The following TOX variants were observed in gnomAD, a reference collection of about 807,000 sequenced individuals.
TOX encodes thymocyte selection-associated high mobility group box protein TOX.
Under a neutral mutation model 53.7 loss-of-function variants are expected in TOX, and 11 were observed. The observed-to-expected ratio is 0.20, with a 90% CI of 0.13 to 0.34. The LOEUF (loss-of-function observed/expected upper bound fraction) is 0.34, where lower values mean the gene tolerates loss of function less well. Ranked by LOEUF, TOX falls within the 10% of genes least tolerant of loss-of-function variation. The pLI is 1.00. For synonymous variants in TOX, 225 were observed against 245.3 expected (o/e 0.92, Z 0.77); for missense variants, 570 against 664.6 (o/e 0.86, Z 1.56).
chr8:58,973,583 A>C (rs1813039449), intron 1 of TOX, among the ~76,000 whole-genome samples: 2 of 152,222 alleles, frequency 1.3e-5, no homozygotes, highest in Admixed American at 6.5e-5. Flanking sequence ...GGCTGACTTT[A>C]TGAAGGGTTT....
intron 3 of TOX, among the ~76,000 whole-genome samples, chr8:58,881,360 T>C (rs1811379596): frequency 6.6e-6 from 1 of 151,598 alleles, no homozygotes; most frequent in Non-Finnish European, 1.5e-5. Context: ...TTTCTCATTT[T>C]TGTGAGGAGC....
chr8:58,910,110 A>G (rs867068740), intron 3 of TOX, among the ~76,000 whole-genome samples: 1 of 152,224 alleles, frequency 6.6e-6, no homozygotes, highest in African/African-American at 2.4e-5. Flanking sequence ...TGTGCCATGC[A>G]TTGGTACAGT....
At position 59,041,023 on chromosome 8, in the gene TOX, G is replaced by A. The variant is rs1006814928; in HGVS notation, c.102+77863C>T. ...CAATCCTGTGCTCCCATCACTCACT[G>A]GCAGGGAGACCTTTGACCATCAGCA... On this transcript the variant is annotated intron_variant, in intron 1 of 8. Transcript: ENST00000361421. 3.3e-5 allele frequency among the ~76,000 whole-genome samples: 5 copies of A among 151,910 alleles called. No individual in the cohort carries two copies. The East Asian group carries it at 9.6e-4, about 29-fold the overall frequency.
chr8:59,082,597 G>T (rs1804429526), intron 1 of TOX, among the ~76,000 whole-genome samples: 2 of 152,112 alleles, frequency 1.3e-5, no homozygotes, highest in Admixed American at 1.3e-4. Flanking sequence ...GGTTGATGAG[G>T]GGGTAGGAAA....
intron 1 of TOX, among the ~76,000 whole-genome samples, chr8:59,012,919 G>GT (rs1001694404): frequency 1.4e-5 from 2 of 144,620 alleles, no homozygotes; most frequent in Admixed American, 1.4e-4. Flanking sequence ...GTTCCCATAG[G>GT]TTAAAAAAAA....
At chr8:58,903,022 G>C (rs989860241) in intron 3 of TOX, among the ~76,000 whole-genome samples, 2 of 152,094 alleles carry the variant, frequency 1.3e-5, no homozygotes, top group Non-Finnish European at 2.9e-5. Context: ...GAGAATAGTT[G>C]TCCTAAATAA....
rs372251429 is a variant in TOX, at chr8:58,808,267, T to C, written c.1395A>G (p.Gly465=). The C allele has an allele frequency of 2.8e-5, 45 of 1,605,182 alleles. No homozygotes were observed. Among genetic ancestry groups the C allele is most frequent in the Non-Finnish European group, 3.7e-5 (43 of 1,177,268 alleles). Residue 465 remains glycine (G), a splice_region_variant and synonymous_variant, in exon 8 of 9, where the codon GGA becomes GGG. Coordinates refer to ENST00000361421, the MANE Select transcript of TOX (RefSeq NM_014729.3). ...SALHSPTMQQ[G]FTLQPDYQTI... ...TCTGATAGTCGGGTTGAAGAGTAAA[T>C]CCCTGAAAGGGAAAGCAAGTCCGCA...
At chr8:58,818,219 C>T (rs887269144) in intron 6 of TOX, among the ~76,000 whole-genome samples, 1 of 152,084 alleles carries the variant, frequency 6.6e-6, no homozygotes, top group African/African-American at 2.4e-5. Context: ...AAGACCAGTC[C>T]CCCTCAACCT....
chr8:59,081,078 G>A (rs1804397692), intron 1 of TOX, among the ~76,000 whole-genome samples: 1 of 152,314 alleles, frequency 6.6e-6, no homozygotes, highest in South Asian at 2.1e-4. Context: ...CCAGGCTGGA[G>A]TGCAGTGGTG....
chr8:59,099,079 G>C (rs896540219), intron 1 of TOX, among the ~76,000 whole-genome samples: 2 of 152,118 alleles, frequency 1.3e-5, no homozygotes, highest in Non-Finnish European at 2.9e-5. Flanking sequence ...AAAGACAACA[G>C]CATTAGATTT....
intron 3 of TOX, among the ~76,000 whole-genome samples, chr8:58,937,505 T>C (rs1812364377): frequency 6.6e-6 from 1 of 152,216 alleles, no homozygotes; most frequent in African/African-American, 2.4e-5. Flanking sequence ...GAGGATGGCA[T>C]GACTGCCATG....
chr8:58,965,432 G>A (rs1000372713), intron 1 of TOX, among the ~76,000 whole-genome samples: 2 of 152,104 alleles, frequency 1.3e-5, no homozygotes, highest in African/African-American at 4.8e-5. Flanking sequence ...AAAATTGAAA[G>A]GAGAAATCTA....
At chr8:58,848,122 A>G (rs1810748304) in intron 4 of TOX, among the ~76,000 whole-genome samples, 1 of 152,126 alleles carries the variant, frequency 6.6e-6, no homozygotes, top group South Asian at 2.1e-4. Context: ...AGCTCCCAAT[A>G]TAAATTGAAC....
At chr8:58,874,642 G>T (rs1251071614) in intron 3 of TOX, among the ~76,000 whole-genome samples, 15 of 152,156 alleles carry the variant, frequency 9.9e-5, no homozygotes, top group Admixed American at 9.8e-4. Flanking sequence ...TTAAAACACA[G>T]ATATGAGGTC....
At chr8:59,055,462 G>T (rs968013921) in intron 1 of TOX, among the ~76,000 whole-genome samples, 37 of 152,154 alleles carry the variant, frequency 2.4e-4, no homozygotes, top group African/African-American at 8.7e-4. Context: ...AACAAGAAAG[G>T]CTGCAGCCAG....
chr8:58,890,103 C>A (rs10092649), intron 3 of TOX, among the ~76,000 whole-genome samples: 53,533 of 151,986 alleles, frequency 0.35, 10,112 homozygotes, highest in Middle Eastern at 0.43. Flanking sequence ...GTCCATAATT[C>A]TGATCATCAT....
chr8:58,994,070 A>G (rs1813508543), intron 1 of TOX, among the ~76,000 whole-genome samples: 1 of 152,206 alleles, frequency 6.6e-6, no homozygotes, highest in African/African-American at 2.4e-5. Context: ...CCAGGTCTAA[A>G]ACAGCCAGAA....
chr8:58,869,125 A>G (rs1438744516), intron 3 of TOX, among the ~76,000 whole-genome samples: 1 of 151,464 alleles, frequency 6.6e-6, no homozygotes, highest in Non-Finnish European at 1.5e-5. Context: ...TACTCAGGAA[A>G]CTAAGGCAAG....
chr8:59,018,313 G>T (rs1814052972), intron 1 of TOX, among the ~76,000 whole-genome samples: 2 of 152,128 alleles, frequency 1.3e-5, no homozygotes, highest in Non-Finnish European at 2.9e-5. Context: ...GTGTGTCAGT[G>T]GGAACAGGGA....
Sources: gnomAD v4.1 joint callset for allele counts (sites outside exome capture counted in the v4.1 genomes callset) on GRCh38, gnomAD v4.1.1 for gene constraint, MANE v1.5 for transcripts, NCBI Gene and HGNC (gene_info 2026-07-23, HGNC 2026-07-21) for gene names.